Variants in CDH11 observed in about 807,000 individuals in gnomAD.
The protein encoded by CDH11 is cadherin 11.
CDH11 carries 11 observed loss-of-function variants against 67.8 expected under a neutral mutation model. The ratio of observed to expected loss-of-function variants is 0.16; its 90% CI spans 0.10 to 0.27. CDH11 has a LOEUF of 0.27. Among genes scored for constraint, CDH11 ranks in the 10% least tolerant of loss-of-function variants. CDH11 has a pLI of 1.00. For missense variants in CDH11, 847 were observed against 1,031.2 expected (o/e 0.82, Z 2.45); for synonymous variants, 419 against 400.0 (o/e 1.05, Z -0.57).
In CDH11 at chr16:64,944,171, T is replaced by A. The variant is rs1229720140; in HGVS notation, c.*3432A>T. The A allele has an allele frequency of 4.3e-6, 1 of 232,884 alleles. No individual in the cohort carries two copies. Among genetic ancestry groups the A allele is most frequent in the Non-Finnish European group, 8.5e-6 (1 of 117,826 alleles). The allele number at this position is 232,884 out of a possible 1,614,324, so 14.4% of individuals were successfully genotyped here. On this transcript the variant is annotated 3_prime_UTR_variant, in exon 13 of 13. Coordinates refer to ENST00000268603, the MANE Select transcript of CDH11 (RefSeq NM_001797.4). ...TCTTTGGGAAGCCAGTGAAGAGGTT[T>A]AAGTTACGAAGTCATGTGATCTGGG...
intron 2 of CDH11, among the ~76,000 whole-genome samples, chr16:65,050,001 T>C (rs2142706088): frequency 6.6e-6 from 1 of 152,296 alleles, no homozygotes; most frequent in East Asian, 1.9e-4. Context: ...AGCAGCTTTC[T>C]GGGATTCACT....
chr16:65,010,268 C>G (rs888605456), intron 2 of CDH11, among the ~76,000 whole-genome samples: 3 of 152,152 alleles, frequency 2.0e-5, no homozygotes, highest in Admixed American at 6.5e-5. Context: ...TCTGGTATCC[C>G]TTTCAACAAA....
intron 1 of CDH11, among the ~76,000 whole-genome samples, chr16:65,092,496 C>T (rs2074808999): frequency 6.6e-6 from 1 of 152,106 alleles, no homozygotes; most frequent in Admixed American, 6.5e-5. Context: ...ACTATCTAAC[C>T]CATGCCTTAG....
At chr16:64,978,451 A>T (rs2072239972) in intron 8 of CDH11, among the ~76,000 whole-genome samples, 2 of 152,224 alleles carry the variant, frequency 1.3e-5, no homozygotes, top group South Asian at 2.1e-4. Flanking sequence ...AAATGATGTG[A>T]CTATCTTCCC....
chr16:65,070,260 C>G lies in CDH11; in HGVS notation c.-297-16332G>C, dbSNP rs149304484. On this transcript the variant is annotated intron_variant, in intron 1 of 12. Coordinates refer to ENST00000268603, the MANE Select transcript of CDH11 (RefSeq NM_001797.4). ...ACACCTCACACTAAACCAAAAGCCA[C>G]GGAACATGGAGAGAACATAGGACAC... is the stretch of plus-strand genomic sequence containing the variant. 4.4e-3 allele frequency among the ~76,000 whole-genome samples: 675 copies of G among 152,270 alleles called. 7 individuals carry two copies. The highest frequency in any genetic ancestry group is 7.6e-3 in the Non-Finnish European group (515 of 68,020).
chr16:64,993,915 G>C (rs141743170), intron 4 of CDH11, among the ~76,000 whole-genome samples: 44 of 152,216 alleles, frequency 2.9e-4, no homozygotes, highest in Non-Finnish European at 5.3e-4. Context: ...CCTCTGCTGG[G>C]CATTTTTTAC....
chr16:64,946,094 A>G lies in CDH11; in HGVS notation c.*1509T>C. ...AATGGCATCGACTCTCAGAATCCAAAATGGTCCCTGCCCTCATTCTGAGCT... is the reference window on the plus strand; with the variant it reads ...AATGGCATCGACTCTCAGAATCCAAGATGGTCCCTGCCCTCATTCTGAGCT... On this transcript the variant is annotated 3_prime_UTR_variant, in exon 13 of 13. Coordinates refer to ENST00000268603, the MANE Select transcript of CDH11 (RefSeq NM_001797.4). 9.5e-7 allele frequency: 1 copy of G among 1,057,896 alleles called. No homozygotes were observed. 65.5% of individuals were successfully genotyped at this position (1,057,896 alleles called of 1,614,324 possible).
chr16:64,982,221 G>A lies in CDH11; in HGVS notation c.1080C>T (p.Ser360=). The A allele has an allele frequency of 6.2e-7, 1 of 1,613,902 alleles. No homozygotes were observed. The highest frequency in any genetic ancestry group is 8.5e-7 in the Non-Finnish European group (1 of 1,179,812). Residue 360 remains serine, a synonymous_variant, in exon 8 of 13, where the codon AGC becomes AGT. Coordinates refer to ENST00000268603, the MANE Select transcript of CDH11 (RefSeq NM_001797.4). ...ANVHIDPKFI[S]NGPFKDTVTV... is the part of the protein sequence containing the mutation. ...TCACAGTGTCCTTGAAAGGGCCATT[G>A]CTGATAAACTTCGGGTCGATGTGCA... is the stretch of plus-strand genomic sequence containing the variant.
At chr16:64,973,414 C>A (rs1176214312) in intron 8 of CDH11, among the ~76,000 whole-genome samples, 2 of 152,162 alleles carry the variant, frequency 1.3e-5, no homozygotes, top group Non-Finnish European at 2.9e-5. Flanking sequence ...ATGTATCAAA[C>A]CTTTGCCAGA....
chr16:65,032,811 A>G (rs1416892335), intron 2 of CDH11, among the ~76,000 whole-genome samples: 1 of 152,204 alleles, frequency 6.6e-6, no homozygotes, highest in Non-Finnish European at 1.5e-5. Flanking sequence ...GCATACAGAC[A>G]TTCCTAACTG....
chr16:65,121,323 G>C lies in CDH11; in HGVS notation c.-298+557C>G, dbSNP rs993561352. 2.0e-5 allele frequency among the ~76,000 whole-genome samples: 3 copies of C among 152,200 alleles called. No homozygotes were observed. Among genetic ancestry groups the C allele is most frequent in the Non-Finnish European group, 2.9e-5 (2 of 68,036 alleles). On this transcript the variant is annotated intron_variant, in intron 1 of 12. Transcript: ENST00000268603. The surrounding 1 kb of genome is among the most constrained non-coding windows in gnomAD (Gnocchi z 4.1). The stretch of plus-strand genomic sequence containing the variant: ...TGCGGGCAATCTCCTTCCGGAGCTG[G>C]GGTCTTTCCGTTTTCCCGGGCTTAC...
intron 2 of CDH11, among the ~76,000 whole-genome samples, chr16:65,016,871 T>C (rs529077971): frequency 6.6e-6 from 1 of 152,332 alleles, no homozygotes; most frequent in Admixed American, 6.5e-5. Context: ...GTATCATTCA[T>C]AAGTTTTCCA....
chr16:65,083,440 C>G (rs1448258336), intron 1 of CDH11, among the ~76,000 whole-genome samples: 1 of 152,222 alleles, frequency 6.6e-6, no homozygotes, highest in Non-Finnish European at 1.5e-5. Context: ...GAGGGCCACA[C>G]TGGTCCTGTC....
At chr16:64,962,519 G>A (rs555614413) in intron 11 of CDH11, among the ~76,000 whole-genome samples, 3 of 152,178 alleles carry the variant, frequency 2.0e-5, no homozygotes, top group African/African-American at 7.2e-5. Context: ...GAGGCCCAGT[G>A]TGGAGAAGTT....
intron 11 of CDH11, among the ~76,000 whole-genome samples, chr16:64,964,698 G>A (rs1287168586): frequency 1.3e-5 from 2 of 151,994 alleles, no homozygotes; most frequent in East Asian, 1.9e-4. Flanking sequence ...ACAGGCACCC[G>A]CCACCACACC....
At chr16:64,995,459 C>T (rs1175468799) in intron 4 of CDH11, among the ~76,000 whole-genome samples, 3 of 152,182 alleles carry the variant, frequency 2.0e-5, no homozygotes, top group Admixed American at 6.5e-5. Context: ...GCCATCTGAT[C>T]ATCAACAAAG....
At chr16:65,025,669 C>A (rs899819045) in intron 2 of CDH11, among the ~76,000 whole-genome samples, 3 of 152,076 alleles carry the variant, frequency 2.0e-5, no homozygotes, top group African/African-American at 7.2e-5. Context: ...TGGCTTTTAA[C>A]CTTTAGAAGT....
intron 1 of CDH11, among the ~76,000 whole-genome samples, chr16:65,056,301 C>T (rs2074141589): frequency 6.6e-6 from 1 of 152,138 alleles, no homozygotes; most frequent in African/African-American, 2.4e-5. Context: ...GCTCTTTCAG[C>T]CTTCCAAGCT....
chr16:64,956,311 G>A (rs114016907), intron 11 of CDH11, among the ~76,000 whole-genome samples: 1,592 of 152,228 alleles, frequency 0.01, 32 homozygotes, highest in African/African-American at 0.037. Flanking sequence ...GCCTGTTGGC[G>A]ATGCTCAGTA....
Sources: gnomAD v4.1 joint callset for allele counts (sites outside exome capture counted in the v4.1 genomes callset) on GRCh38, gnomAD v4.1.1 for gene constraint, Gnocchi (gnomAD v3.1) non-coding constraint, MANE v1.5 for transcripts, NCBI Gene and HGNC (gene_info 2026-07-23, HGNC 2026-07-21) for gene names.